The following GPC5 variants were observed in gnomAD, a reference collection of about 807,000 sequenced individuals.
GPC5 encodes glypican-5.
GPC5 carries 47 observed loss-of-function variants against 53.9 expected under a neutral mutation model. That is an observed-to-expected ratio of 0.87 (90% CI 0.69 to 1.11). The LOEUF (loss-of-function observed/expected upper bound fraction) is 1.11. Among genes scored for constraint, GPC5 ranks in the 50% most tolerant of loss-of-function variants. GPC5 has a pLI of 0.00. For synonymous variants in GPC5, 286 were observed against 263.3 expected (o/e 1.09, Z -0.84); for missense variants, 748 against 713.1 (o/e 1.05, Z -0.56).
intron 7 of GPC5, among the ~76,000 whole-genome samples, chr13:92,368,885 A>G (rs1228753542): frequency 6.6e-6 from 1 of 152,058 alleles, no homozygotes; most frequent in Non-Finnish European, 1.5e-5. Flanking sequence ...TTTTCTAGGG[A>G]GAAGGGTAGT....
At chr13:92,069,652 T>C (rs190781906) in intron 6 of GPC5, among the ~76,000 whole-genome samples, 4 of 152,224 alleles carry the variant, frequency 2.6e-5, no homozygotes, top group African/African-American at 9.6e-5. Flanking sequence ...ACTTGGAGTC[T>C]CCCTGGGTGA....
intron 7 of GPC5, among the ~76,000 whole-genome samples, chr13:92,581,098 CTT>C (rs1308955399): frequency 3.9e-5 from 6 of 152,114 alleles, no homozygotes; most frequent in Admixed American, 3.9e-4. Context: ...AATCTACTCT[CTT>C]AGCAATTTTG....
chr13:92,594,761 C>G (rs538459620), intron 7 of GPC5, among the ~76,000 whole-genome samples: 1 of 152,292 alleles, frequency 6.6e-6, no homozygotes, highest in African/African-American at 2.4e-5. Context: ...TGAAATGAAA[C>G]GTCCCCATTC....
At chr13:92,299,918 G>A (rs2043063777) in intron 7 of GPC5, among the ~76,000 whole-genome samples, 1 of 152,042 alleles carries the variant, frequency 6.6e-6, no homozygotes, top group Non-Finnish European at 1.5e-5. Flanking sequence ...GTCAGCCTGA[G>A]GCTTGTGAAA....
At chr13:92,234,580 G>C (rs1334116227) in intron 7 of GPC5, among the ~76,000 whole-genome samples, 3 of 151,878 alleles carry the variant, frequency 2.0e-5, no homozygotes, top group African/African-American at 7.3e-5. Flanking sequence ...TTGGGCTGGG[G>C]GGCAATACAT....
intron 7 of GPC5, among the ~76,000 whole-genome samples, chr13:92,470,273 A>C (rs1878857506): frequency 6.6e-6 from 1 of 152,180 alleles, no homozygotes; most frequent in Admixed American, 6.6e-5. Flanking sequence ...TTTGCTCTGC[A>C]ATAGTAAATC....
intron 7 of GPC5, among the ~76,000 whole-genome samples, chr13:92,736,780 C>T (rs1227610355): frequency 6.6e-6 from 1 of 151,142 alleles, no homozygotes; most frequent in African/African-American, 2.4e-5. Flanking sequence ...GGTGTTTACT[C>T]TATGTTCAGA....
chr13:91,430,519 T>C (rs1879370861), intron 1 of GPC5, among the ~76,000 whole-genome samples: 1 of 152,206 alleles, frequency 6.6e-6, no homozygotes, highest in African/African-American at 2.4e-5. Flanking sequence ...TCTCTTCTTC[T>C]GAGTGGTGTG....
chr13:92,574,866 A>G (rs1382036254), intron 7 of GPC5, among the ~76,000 whole-genome samples: 1 of 152,208 alleles, frequency 6.6e-6, no homozygotes, highest in Non-Finnish European at 1.5e-5. Context: ...CAAGAAGGTC[A>G]GGAGTAAAGA....
At chr13:91,410,904 A>C (rs888660852) in intron 1 of GPC5, among the ~76,000 whole-genome samples, 5 of 151,916 alleles carry the variant, frequency 3.3e-5, no homozygotes, top group Admixed American at 2.6e-4. Flanking sequence ...AGGTCAAGAG[A>C]TCGAGACCAT....
intron 7 of GPC5, among the ~76,000 whole-genome samples, chr13:92,366,283 T>A (rs2043606986): frequency 6.6e-6 from 1 of 151,816 alleles, no homozygotes; most frequent in Admixed American, 6.5e-5. Flanking sequence ...AAATAACATT[T>A]GTAGCAGCAA....
At chr13:91,618,209 A>T (rs1259900814) in intron 2 of GPC5, among the ~76,000 whole-genome samples, 1 of 152,146 alleles carries the variant, frequency 6.6e-6, no homozygotes, top group Admixed American at 6.6e-5. Flanking sequence ...CAGCTTATAC[A>T]ATAGAGAGAT....
chr13:92,289,497 C>T (rs530073985), intron 7 of GPC5, among the ~76,000 whole-genome samples: 1 of 151,942 alleles, frequency 6.6e-6, no homozygotes, highest in Non-Finnish European at 1.5e-5. Context: ...TTTAAAATAA[C>T]ATATACATTA....
chr13:92,359,930 G>A (rs1410903636), intron 7 of GPC5, among the ~76,000 whole-genome samples: 1 of 151,584 alleles, frequency 6.6e-6, no homozygotes, highest in African/African-American at 2.4e-5. Flanking sequence ...TAATAAGGTT[G>A]TTTGTTTTTT....
chr13:92,680,173 C>G (rs1282266802), intron 7 of GPC5, among the ~76,000 whole-genome samples: 1 of 152,154 alleles, frequency 6.6e-6, no homozygotes, highest in Non-Finnish European at 1.5e-5. Flanking sequence ...CAGAGCCAGC[C>G]TGAGAAATAA....
rs200184690 is a variant in GPC5, at chr13:92,866,278, A to G, written c.1562-4A>G. The G allele has an allele frequency of 1.9e-6, 3 of 1,608,652 alleles. No individual in the cohort carries two copies. Among genetic ancestry groups the G allele is most frequent in the East Asian group, 2.2e-5 (1 of 44,650 alleles). On this transcript the variant is annotated splice_region_variant and splice_polypyrimidine_tract_variant and intron_variant, in intron 7 of 7. Coordinates refer to ENST00000377067, the MANE Select transcript of GPC5 (RefSeq NM_004466.6). ...CACCTGTGCTTTCTTATTTGCCTCTACAGGGATGCCAGATGATATGAACTT... is the reference window on the plus strand; with the variant it reads ...CACCTGTGCTTTCTTATTTGCCTCTGCAGGGATGCCAGATGATATGAACTT...
At chr13:92,098,810 T>C (rs1180527884) in intron 6 of GPC5, among the ~76,000 whole-genome samples, 2 of 152,160 alleles carry the variant, frequency 1.3e-5, no homozygotes, top group Non-Finnish European at 2.9e-5. Flanking sequence ...CACAAAACAA[T>C]AGTTGTGCTT....
chr13:92,557,532 A>G (rs1213494553), intron 7 of GPC5, among the ~76,000 whole-genome samples: 2 of 152,038 alleles, frequency 1.3e-5, no homozygotes, highest in African/African-American at 4.8e-5. Flanking sequence ...ATATTTTCAA[A>G]CACATTTTAA....
intron 6 of GPC5, among the ~76,000 whole-genome samples, chr13:91,981,363 C>T (rs899677144): frequency 6.6e-6 from 1 of 151,576 alleles, no homozygotes; most frequent in South Asian, 2.1e-4. Flanking sequence ...GATCTCGGCT[C>T]ACTGCAAGCT....
Sources: allele counts gnomAD v4.1 joint callset (sites outside exome capture counted in the v4.1 genomes callset), GRCh38; gene constraint gnomAD v4.1.1; transcripts MANE v1.5; gene names NCBI Gene and HGNC (gene_info 2026-07-23, HGNC 2026-07-21).